Variants in TRAPPC3 observed in about 807,000 individuals in gnomAD.
TRAPPC3 encodes trafficking protein particle complex subunit 3.
Under a neutral mutation model 18.2 loss-of-function variants are expected in TRAPPC3, and 5 were observed. That is an observed-to-expected ratio of 0.28 (90% CI 0.14 to 0.58). The LOEUF (loss-of-function observed/expected upper bound fraction) is 0.58, where lower values mean the gene tolerates loss of function less well. Ranked by LOEUF, TRAPPC3 falls within the 20% of genes least tolerant of loss-of-function variation. The pLI is 0.91. For synonymous variants in TRAPPC3, 65 were observed against 84.2 expected (o/e 0.77, Z 1.25); for missense variants, 176 against 225.9 (o/e 0.78, Z 1.41).
At chr1:36,146,159 A>T (rs1327266368) in intron 1 of TRAPPC3, among the ~76,000 whole-genome samples, 14 of 150,258 alleles carry the variant, frequency 9.3e-5, no homozygotes, top group African/African-American at 3.4e-4. Context: ...GCTCACTGCA[A>T]CCTCCACCTC....
upstream of TRAPPC3, chr1:36,149,569 C>T (rs764796351): frequency 1.5e-6 from 1 of 663,484 alleles, no homozygotes; most frequent in Non-Finnish European, 2.6e-6. Context: ...GCCCAACAAA[C>T]GTCAGACTAC....
Position 36,137,088 on chromosome 1 carries a change from A to G in TRAPPC3, c.*115T>C. The G allele has an allele frequency of 1.6e-6, 2 of 1,250,280 alleles. No individual in the cohort carries two copies. The highest frequency in any genetic ancestry group is 2.2e-6 in the Non-Finnish European group (2 of 892,848). 77.4% of individuals were successfully genotyped at this position (1,250,280 alleles called of 1,614,324 possible). On this transcript the variant is annotated 3_prime_UTR_variant, in exon 5 of 5. Transcript: ENST00000373166. The stretch of plus-strand genomic sequence containing the variant: ...TGAATGGAGAATGGAAACAGGTTAT[A>G]AGAATATATAACATCCATGTTCAAG...
chr1:36,149,403 G>T lies in TRAPPC3; in HGVS notation c.-25C>A. 2 of 1,611,660 alleles carry T rather than the reference G, an allele frequency of 1.2e-6. No homozygotes were observed. ...TGGTGCCGGCCGCCCCGCCCCACTCGCCTAGCCACGGGTTAGCTCGGCGAC... is the reference window on the plus strand; with the variant it reads ...TGGTGCCGGCCGCCCCGCCCCACTCTCCTAGCCACGGGTTAGCTCGGCGAC... On this transcript the variant is annotated 5_prime_UTR_variant, in exon 1 of 5. Coordinates refer to ENST00000373166, the MANE Select transcript of TRAPPC3 (RefSeq NM_014408.5).
chr1:36,144,289 C>CTAAAAAAA (rs1644160227), intron 1 of TRAPPC3, among the ~76,000 whole-genome samples: 1 of 57,482 alleles, frequency 1.7e-5, no homozygotes, highest in African/African-American at 8.9e-5. Context: ...ACCCTGTCTC[C>CTAAAAAAA]AAAAAAAAAA....
At chr1:36,141,958 CAAAAAAAAAA>C (rs71053907) in intron 1 of TRAPPC3, among the ~76,000 whole-genome samples, 4 of 64,120 alleles carry the variant, frequency 6.2e-5, no homozygotes, top group South Asian at 6.4e-4. Context: ...ATTCCGTCTC[CAAAAAAAAAA>C]AAAAAAAAAA....
intron 1 of TRAPPC3, among the ~76,000 whole-genome samples, chr1:36,146,964 T>C (rs760524116): frequency 1.3e-5 from 2 of 152,214 alleles, no homozygotes; most frequent in Admixed American, 6.5e-5. Flanking sequence ...TACTAACAAT[T>C]TAGATGGCTC....
intron 1 of TRAPPC3, among the ~76,000 whole-genome samples, chr1:36,142,671 G>A (rs1486014324): frequency 2.0e-5 from 3 of 152,044 alleles, no homozygotes; most frequent in Non-Finnish European, 4.4e-5. Flanking sequence ...CTTCAATTAC[G>A]AACCAAGCCT....
Position 36,145,630 on chromosome 1 carries a change from AC to A in TRAPPC3, c.42+3706del, listed in dbSNP as rs547235124. On this transcript the variant is annotated intron_variant, in intron 1 of 4. Transcript: ENST00000373166. ...ACCCCCGTACAGGCACATGAAGGCT[AC>A]TAGCTTTACTAATAACACATCTAGA... Among the ~76,000 whole-genome samples, 227 of 152,298 alleles carry A rather than the reference AC, an allele frequency of 1.5e-3. 1 individual carries two copies. The highest frequency in any genetic ancestry group is 4.9e-3 in the African/African-American group (204 of 41,554).
intron 4 of TRAPPC3, 67 bp downstream of exon 4, chr1:36,137,729 T>G (rs1245307300): frequency 1.3e-6 from 2 of 1,492,600 alleles, no homozygotes; most frequent in Non-Finnish European, 1.8e-6. Context: ...TCTCTTTCAT[T>G]CATTTAAACA....
At chr1:36,148,169 C>T (rs1478558302) in intron 1 of TRAPPC3, among the ~76,000 whole-genome samples, 1 of 152,158 alleles carries the variant, frequency 6.6e-6, no homozygotes, top group African/African-American at 2.4e-5. Flanking sequence ...ACAAAATATT[C>T]TCGTCTTTTG....
chr1:36,138,574 A>G (rs887321408), intron 3 of TRAPPC3, among the ~76,000 whole-genome samples: 1 of 152,254 alleles, frequency 6.6e-6, no homozygotes, highest in African/African-American at 2.4e-5. Context: ...TATGTCATTT[A>G]TTAATACTAT....
At chr1:36,153,667 T>C (rs1644287193), upstream of TRAPPC3, among the ~76,000 whole-genome samples, 1 of 152,290 alleles carries the variant, frequency 6.6e-6, no homozygotes, top group Non-Finnish European at 1.5e-5. Flanking sequence ...GTAGCTGCCA[T>C]GTTTAGAGAC....
At position 36,137,829 on chromosome 1, in the gene TRAPPC3, G is replaced by C; in HGVS notation, c.390C>G (p.Leu130=). 1 of 1,614,172 alleles carries C rather than the reference G, an allele frequency of 6.2e-7. No homozygotes were observed. Among genetic ancestry groups the C allele is most frequent in the Non-Finnish European group, 8.5e-7 (1 of 1,180,030 alleles). The change falls in exon 4 of 5, where the codon CTC becomes CTG. Residue 130 remains leucine (L), a synonymous_variant. Coordinates refer to ENST00000373166, the MANE Select transcript of TRAPPC3 (RefSeq NM_014408.5). Reference sequence around the variant, plus strand: ...AAGCTCCCCGCAACACCCCACACAAGAGATTGGAATAAATAAGGGATGAGT... The same window carrying C: ...AAGCTCCCCGCAACACCCCACACAACAGATTGGAATAAATAAGGGATGAGT... ...DNHSSLIYSN[L]LCGVLRGALE... is the part of the protein sequence containing the mutation.
chr1:36,145,634 G>C (rs1644182922), intron 1 of TRAPPC3, among the ~76,000 whole-genome samples: 1 of 152,180 alleles, frequency 6.6e-6, no homozygotes, highest in African/African-American at 2.4e-5. Context: ...AAGGCTACTA[G>C]CTTTACTAAT....
rs372007648 is a variant in TRAPPC3, at chr1:36,140,210, G to A, written c.43-44C>T. ...GCAGTCAGGACCAAGCAGCACAAAA[G>A]AGAAAGCGTGGTGAGAGTCTGGACC... On this transcript the variant is annotated intron_variant, in intron 1 of 4. Coordinates refer to ENST00000373166, the MANE Select transcript of TRAPPC3 (RefSeq NM_014408.5). 6 of 1,317,654 alleles carry A rather than the reference G, an allele frequency of 4.6e-6. No homozygotes were observed. In the East Asian group the frequency reaches 1.2e-4, roughly 27 times the overall value. The allele number at this position is 1,317,654 out of a possible 1,614,324, so 81.6% of individuals were successfully genotyped here.
upstream of TRAPPC3, chr1:36,149,634 C>T: frequency 3.5e-6 from 2 of 571,336 alleles, no homozygotes; most frequent in Non-Finnish European, 3.1e-6. Context: ...AACTACAACT[C>T]CCGGAGTGCT....
In TRAPPC3 at chr1:36,142,441, G is replaced by A. The variant is rs114390801; in HGVS notation, c.43-2275C>T. ...CATTATTAATGAGCCCTTGGATGGA[G>A]ACTCCAAGAGCCTCAGGCCACCATG... On this transcript the variant is annotated intron_variant, in intron 1 of 4. Coordinates refer to ENST00000373166, the MANE Select transcript of TRAPPC3 (RefSeq NM_014408.5). 3.2e-3 allele frequency among the ~76,000 whole-genome samples: 489 copies of A among 152,260 alleles called. 3 individuals carry two copies. The highest frequency in any genetic ancestry group is 5.9e-3 in the Non-Finnish European group (402 of 68,018).
Position 36,139,764 on chromosome 1 carries a change from C to T in TRAPPC3, c.196G>A (p.Gly66Arg). 1 of 1,614,114 alleles carries T rather than the reference C, an allele frequency of 6.2e-7. No individual in the cohort carries two copies. Among genetic ancestry groups the T allele is most frequent in the Admixed American group, 1.7e-5 (1 of 60,018 alleles). ...GTTTCCCGAAAGTCATGGCACCTCC[C>T]AACATTTGACCGAGCCAAGAAATCT... ...IEDFLARSNV[G>R]RCHDFRETAD... The change falls in exon 3 of 5, where the codon GGG (glycine) becomes AGG (arginine). Residue 66 changes from glycine (G) to arginine (R), a missense_variant. By Grantham distance (125) the Gly-to-Arg change is moderately radical (BLOSUM62 -2). This residue lies in a region of TRAPPC3 where 147 missense variants were observed against 164.3 expected (regional missense o/e 0.89). Transcript: ENST00000373166.
intron 4 of TRAPPC3, 97 bp downstream of exon 4, chr1:36,137,699 A>G: frequency 7.6e-7 from 1 of 1,322,146 alleles, no homozygotes; most frequent in East Asian, 2.3e-5. Context: ...CGCTGGGGTG[A>G]GCCAAAGCCC....
Sources: gnomAD v4.1 joint callset for allele counts (sites outside exome capture counted in the v4.1 genomes callset) on GRCh38, gnomAD v4.1.1 for gene constraint, gnomAD v4.1.1 regional missense constraint, MANE v1.5 for transcripts, NCBI Gene and HGNC (gene_info 2026-07-23, HGNC 2026-07-21) for gene names.